Variants in CHST8 observed in about 807,000 individuals in gnomAD.
The protein encoded by CHST8 is GALNAC-4-ST1.
In CHST8, 10 loss-of-function variants were observed where a neutral mutation model predicts 15.0. The observed-to-expected ratio is 0.67, with a 90% CI of 0.41 to 1.13. The LOEUF (loss-of-function observed/expected upper bound fraction) is 1.13. CHST8 is among the 50% of genes most tolerant of loss of function. The pLI is 0.00. For synonymous variants in CHST8, 259 were observed against 256.6 expected (o/e 1.01, Z -0.09); for missense variants, 634 against 608.2 (o/e 1.04, Z -0.45).
chr19:33,696,203 G>T (rs1973215191), intron 3 of CHST8, among the ~76,000 whole-genome samples: 1 of 152,168 alleles, frequency 6.6e-6, no homozygotes, highest in Non-Finnish European at 1.5e-5. Flanking sequence ...GAATTGTGCT[G>T]CAATAAGTAT....
chr19:33,661,882 AAAAAAT>A (rs1972590777), intron 1 of CHST8, among the ~76,000 whole-genome samples: 1 of 150,890 alleles, frequency 6.6e-6, no homozygotes, highest in African/African-American at 2.4e-5. Flanking sequence ...AAAAAAAAAA[AAAAAAT>A]AGGCGGGTAT....
At chr19:33,756,548 G>A (rs567575783) in intron 3 of CHST8, among the ~76,000 whole-genome samples, 1 of 152,266 alleles carries the variant, frequency 6.6e-6, no homozygotes, top group East Asian at 1.9e-4. Context: ...GGGGGTCCTG[G>A]CAGCATGCTA....
Position 33,647,066 on chromosome 19 carries a change from A to G in CHST8, c.-163-20701A>G, listed in dbSNP as rs576553839. The stretch of plus-strand genomic sequence containing the variant: ...GCTATCAGATTTCTCTCGCAGTCGT[A>G]TTACAAAGGTGCAAAGGTGGTTTCA... On this transcript the variant is annotated intron_variant, in intron 1 of 4. Coordinates refer to ENST00000650847, the MANE Select transcript of CHST8 (RefSeq NM_001127895.2). Among the ~76,000 whole-genome samples, 3 of 152,380 alleles carry G rather than the reference A, an allele frequency of 2.0e-5. No homozygotes were observed. The South Asian group carries it at 6.2e-4, about 32-fold the overall frequency.
At chr19:33,660,748 C>A (rs1972575480) in intron 1 of CHST8, among the ~76,000 whole-genome samples, 1 of 152,196 alleles carries the variant, frequency 6.6e-6, no homozygotes, top group Non-Finnish European at 1.5e-5. Flanking sequence ...AGTTTGCATG[C>A]AATTGAAAGT....
intron 2 of CHST8, among the ~76,000 whole-genome samples, chr19:33,673,069 G>A (rs1366226530): frequency 6.6e-6 from 1 of 152,208 alleles, no homozygotes; most frequent in Non-Finnish European, 1.5e-5. Context: ...GCCAGAAGGA[G>A]TAGGAGTCCA....
At chr19:33,658,878 G>A (rs1262511095) in intron 1 of CHST8, among the ~76,000 whole-genome samples, 1 of 151,844 alleles carries the variant, frequency 6.6e-6, no homozygotes, top group Non-Finnish European at 1.5e-5. Flanking sequence ...TTTAACAATT[G>A]CGTCAGATTC....
At chr19:33,724,501 C>T (rs1268827156) in intron 3 of CHST8, among the ~76,000 whole-genome samples, 1 of 152,236 alleles carries the variant, frequency 6.6e-6, no homozygotes, top group Non-Finnish European at 1.5e-5. Flanking sequence ...GCTGCTCTTC[C>T]CAGGCTCCAT....
intron 2 of CHST8, chr19:33,685,114 G>A (rs1972953694): frequency 6.6e-6 from 1 of 152,246 alleles, no homozygotes; most frequent in Admixed American, 6.5e-5. Context: ...GCTGAGGGGA[G>A]CGTCCAGGCC....
At chr19:33,713,731 T>A (rs998937487) in intron 3 of CHST8, among the ~76,000 whole-genome samples, 7 of 152,106 alleles carry the variant, frequency 4.6e-5, no homozygotes, top group African/African-American at 1.7e-4. Context: ...CGGCTAATTT[T>A]TGTGTTTTTA....
At chr19:33,725,971 T>A (rs1278359837) in intron 3 of CHST8, among the ~76,000 whole-genome samples, 1 of 152,238 alleles carries the variant, frequency 6.6e-6, no homozygotes, top group African/African-American at 2.4e-5. Context: ...CGATTCCCCT[T>A]GGCCCAGAGA....
chr19:33,712,487 G>A (rs8104235), intron 3 of CHST8, among the ~76,000 whole-genome samples: 3,743 of 152,206 alleles, frequency 0.025, 108 homozygotes, highest in African/African-American at 0.067. Context: ...GGGCGGGCAG[G>A]GAGTGAAACC....
intron 1 of CHST8, among the ~76,000 whole-genome samples, chr19:33,666,040 G>A (rs1019914870): frequency 6.6e-6 from 1 of 152,222 alleles, no homozygotes; most frequent in African/African-American, 2.4e-5. Context: ...GCTTTCTCGT[G>A]GATCATGTCT....
At chr19:33,749,570 T>A (rs1974375829) in intron 3 of CHST8, among the ~76,000 whole-genome samples, 2 of 151,822 alleles carry the variant, frequency 1.3e-5, no homozygotes, top group African/African-American at 4.8e-5. Context: ...CCATCACAGA[T>A]GAAGACAGCG....
chr19:33,749,057 G>A lies in CHST8; in HGVS notation c.131-22356G>A, dbSNP rs572044210. On this transcript the variant is annotated intron_variant, in intron 3 of 4. Coordinates refer to ENST00000650847, the MANE Select transcript of CHST8 (RefSeq NM_001127895.2). ...TGGTGCCAGAGGGACAGCAGCAAGG[G>A]GGGCCCCCAGCAGGAGAGGCCCTGG... is the stretch of plus-strand genomic sequence containing the variant. 9.8e-5 allele frequency among the ~76,000 whole-genome samples: 15 copies of A among 152,296 alleles called. No individual in the cohort carries two copies. In the South Asian group the frequency reaches 2.9e-3, roughly 29 times the overall value.
At chr19:33,730,919 G>A (rs905105181) in intron 3 of CHST8, among the ~76,000 whole-genome samples, 6 of 152,182 alleles carry the variant, frequency 3.9e-5, no homozygotes, top group East Asian at 1.9e-4. Context: ...CTGGGAGTCC[G>A]ATGTTCGAGG....
At chr19:33,723,665 C>T (rs1973841755) in intron 3 of CHST8, among the ~76,000 whole-genome samples, 2 of 152,246 alleles carry the variant, frequency 1.3e-5, no homozygotes, top group Non-Finnish European at 2.9e-5. Context: ...TGGACAGGAA[C>T]ATTTCAATTG....
intron 3 of CHST8, among the ~76,000 whole-genome samples, chr19:33,704,619 T>C (rs1364736461): frequency 2.0e-5 from 3 of 152,150 alleles, no homozygotes; most frequent in African/African-American, 7.2e-5. Flanking sequence ...TTATAAAAGC[T>C]AAGAATCTGG....
intron 1 of CHST8, among the ~76,000 whole-genome samples, chr19:33,665,603 A>G (rs1972646773): frequency 6.6e-6 from 1 of 151,958 alleles, no homozygotes; most frequent in African/African-American, 2.4e-5. Context: ...CAGAACTAGC[A>G]TGTCGAAAGG....
intron 1 of CHST8, among the ~76,000 whole-genome samples, chr19:33,645,243 C>T (rs773591628): frequency 4.6e-5 from 7 of 151,928 alleles, no homozygotes; most frequent in Non-Finnish European, 7.4e-5. Flanking sequence ...CGTGTGGGGG[C>T]GGGGGACAGA....
Sources: allele counts gnomAD v4.1 joint callset (sites outside exome capture counted in the v4.1 genomes callset), GRCh38; gene constraint gnomAD v4.1.1; transcripts MANE v1.5; gene names NCBI Gene and HGNC (gene_info 2026-07-23, HGNC 2026-07-21).